KAZN: variants seen among roughly 807,000 people sequenced by gnomAD.
The protein encoded by KAZN is kazrin, periplakin interacting protein.
A neutral mutation model predicts 87.4 loss-of-function variants in KAZN; 40 were observed. The ratio of observed to expected loss-of-function variants is 0.46; its 90% CI spans 0.36 to 0.60. The LOEUF (loss-of-function observed/expected upper bound fraction) is 0.60, where lower values mean the gene tolerates loss of function less well. Among genes scored for constraint, KAZN ranks in the 20% least tolerant of loss-of-function variants. The pLI is 0.00. For missense variants in KAZN, 898 were observed against 1,073.9 expected (o/e 0.84, Z 2.29); for synonymous variants, 466 against 458.3 (o/e 1.02, Z -0.22).
At chr1:15,045,097 C>G (rs1673340980) in intron 4 of KAZN, among the ~76,000 whole-genome samples, 1 of 152,166 alleles carries the variant, frequency 6.6e-6, no homozygotes, top group Non-Finnish European at 1.5e-5. Context: ...CCTTGGGCTG[C>G]CCACTCAACT....
At chr1:14,251,306 A>C (rs2100613349) in intron 2 of KAZN, among the ~76,000 whole-genome samples, 1 of 152,290 alleles carries the variant, frequency 6.6e-6, no homozygotes, top group Non-Finnish European at 1.5e-5. Flanking sequence ...GATAGAAGTC[A>C]CTCAGTCTTA....
chr1:15,092,266 G>A (rs1428365307), intron 8 of KAZN, among the ~76,000 whole-genome samples: 3 of 151,532 alleles, frequency 2.0e-5, no homozygotes, highest in Non-Finnish European at 4.4e-5. Flanking sequence ...GTAGAGACGG[G>A]GTTTCTCCAT....
In KAZN at chr1:14,410,100, G is replaced by A. The variant is rs564260954; in HGVS notation, c.250-188883G>A. On this transcript the variant is annotated intron_variant, in intron 2 of 16. Coordinates refer to the KAZN transcript ENST00000636203. The stretch of plus-strand genomic sequence containing the variant: ...ACAGAACAGAATATTAATTGGAAAA[G>A]TCCAATTTATTTATTTATTTTGAGA... Among the ~76,000 whole-genome samples, 110 of 152,268 alleles carry A rather than the reference G, an allele frequency of 7.2e-4. 1 individual carries two copies. The highest frequency in any genetic ancestry group is 7.5e-4 in the Non-Finnish European group (51 of 68,028).
At chr1:14,501,212 C>G (rs1670233158) in intron 2 of KAZN, among the ~76,000 whole-genome samples, 1 of 151,846 alleles carries the variant, frequency 6.6e-6, no homozygotes, top group Non-Finnish European at 1.5e-5. Context: ...AGAAATAAGA[C>G]AAAGATATTC....
chr1:14,881,836 A>C (rs574455171), intron 1 of KAZN, among the ~76,000 whole-genome samples: 1 of 152,146 alleles, frequency 6.6e-6, no homozygotes, highest in African/African-American at 2.4e-5. Context: ...TGGTTGTTTA[A>C]ATGAGATTTG....
At chr1:14,241,576 C>T (rs1648938230) in intron 2 of KAZN, among the ~76,000 whole-genome samples, 1 of 152,182 alleles carries the variant, frequency 6.6e-6, no homozygotes, top group African/African-American at 2.4e-5. Context: ...ATTTCTGGCA[C>T]ACCTACTGTG....
Position 14,599,175 on chromosome 1 carries a change from G to C in KAZN, c.178G>C (p.Gly60Arg). The C allele has an allele frequency of 7.2e-7, 1 of 1,380,204 alleles. No individual in the cohort carries two copies. The highest frequency in any genetic ancestry group is 9.4e-7 in the Non-Finnish European group (1 of 1,069,450). 85.5% of individuals were successfully genotyped at this position (1,380,204 alleles called of 1,614,324 possible). A position where few individuals can be genotyped will look rare whatever the true frequency, so the allele number is the denominator to read the frequency against. ...AGCCGCGGCCAGCGCCTCGGCGGCGGGGGACTCGGCGGCGACGAACATGGA... is the reference window on the plus strand; with the variant it reads ...AGCCGCGGCCAGCGCCTCGGCGGCGCGGGACTCGGCGGCGACGAACATGGA... ...PGAAASASAA[G>R]DSAATNMENP... The change falls in exon 1 of 15, where the codon GGG becomes CGG. Residue 60 changes from glycine to arginine, a missense_variant. Transcript: ENST00000376030. This position sits in a 1 kb window ranked among gnomAD's most constrained non-coding sequence, Gnocchi z 4.4.
intron 2 of KAZN, among the ~76,000 whole-genome samples, chr1:14,310,063 G>C (rs1198610359): frequency 6.6e-6 from 1 of 152,150 alleles, no homozygotes; most frequent in African/African-American, 2.4e-5. Flanking sequence ...GATGGGGTTG[G>C]AGCAACGGGC....
At chr1:14,495,360 C>A (rs998819731) in intron 2 of KAZN, among the ~76,000 whole-genome samples, 2 of 152,170 alleles carry the variant, frequency 1.3e-5, no homozygotes, top group Admixed American at 1.3e-4. Context: ...TAGATGAAGG[C>A]CACAGCATGG....
intron 4 of KAZN, among the ~76,000 whole-genome samples, chr1:15,050,560 G>T (rs1322895152): frequency 6.6e-6 from 1 of 152,176 alleles, no homozygotes; most frequent in Non-Finnish European, 1.5e-5. Flanking sequence ...ATTTTTAATG[G>T]CCACGCTCTG....
intron 1 of KAZN, among the ~76,000 whole-genome samples, chr1:14,945,378 C>T (rs1017756802): frequency 3.9e-5 from 6 of 152,204 alleles, no homozygotes; most frequent in Non-Finnish European, 7.3e-5. Flanking sequence ...AGGGCCCTCC[C>T]CTCTGCCCCC....
chr1:14,253,584 T>C (rs1267117363), intron 2 of KAZN, among the ~76,000 whole-genome samples: 2 of 152,156 alleles, frequency 1.3e-5, no homozygotes, highest in Non-Finnish European at 2.9e-5. Context: ...CCTTGTCCTT[T>C]CAGGTAAAAT....
In KAZN at chr1:14,242,074, G is replaced by A. The variant is rs114136962; in HGVS notation, c.249+61482G>A. On this transcript the variant is annotated intron_variant, in intron 2 of 16. Coordinates refer to the KAZN transcript ENST00000636203. Reference sequence around the variant, plus strand: ...CTCCTTGAAGTATCATCTTAAAGATGCTCTCCAGAAAGTGTCCTGAGCCTA... The same window carrying A: ...CTCCTTGAAGTATCATCTTAAAGATACTCTCCAGAAAGTGTCCTGAGCCTA... 5.8e-3 allele frequency among the ~76,000 whole-genome samples: 886 copies of A among 152,286 alleles called. 12 individuals are homozygous for A. The highest frequency in any genetic ancestry group is 0.02 in the African/African-American group (850 of 41,568).
intron 2 of KAZN, among the ~76,000 whole-genome samples, chr1:14,538,307 G>A (rs1352046064): frequency 1.3e-5 from 2 of 152,194 alleles, no homozygotes; most frequent in African/African-American, 4.8e-5. Flanking sequence ...AAATGGGTAT[G>A]ATAAAACATC....
At chr1:14,788,416 T>G (rs781386036) in intron 1 of KAZN, among the ~76,000 whole-genome samples, 1 of 152,142 alleles carries the variant, frequency 6.6e-6, no homozygotes, top group Non-Finnish European at 1.5e-5. Context: ...CCACAAATAC[T>G]AAGAGGTGCT....
At position 14,695,353 on chromosome 1, in the gene KAZN, G is replaced by A. The variant is rs558530214; in HGVS notation, c.226+96130G>A. Among the ~76,000 whole-genome samples, 45 of 152,036 alleles carry A rather than the reference G, an allele frequency of 3.0e-4. 1 individual carries two copies. Among genetic ancestry groups the A allele is most frequent in the African/African-American group, 1.1e-3 (44 of 41,480 alleles). ...TTGTCTCAGGAGTTAGCAGTTGGTTGAACCCAACACTCTTGGACTGTCAGC... is the reference window on the plus strand; with the variant it reads ...TTGTCTCAGGAGTTAGCAGTTGGTTAAACCCAACACTCTTGGACTGTCAGC... On this transcript the variant is annotated intron_variant, in intron 1 of 14. Coordinates refer to ENST00000376030, the MANE Select transcript of KAZN (RefSeq NM_201628.3).
chr1:13,963,456 G>A (rs991252421), intron 1 of KAZN, among the ~76,000 whole-genome samples: 4 of 152,186 alleles, frequency 2.6e-5, no homozygotes, highest in Non-Finnish European at 5.9e-5. Context: ...CACATGGATA[G>A]TGATTCCAAA....
At chr1:14,055,649 C>G (rs1438285343) in intron 1 of KAZN, among the ~76,000 whole-genome samples, 1 of 152,124 alleles carries the variant, frequency 6.6e-6, no homozygotes, top group Non-Finnish European at 1.5e-5. Context: ...CTAACAGTTC[C>G]CTGTAAACCT....
intron 2 of KAZN, among the ~76,000 whole-genome samples, chr1:14,369,285 C>T (rs749631480): frequency 3.3e-5 from 5 of 152,148 alleles, no homozygotes; most frequent in Admixed American, 6.5e-5. Flanking sequence ...ATGTATCGTT[C>T]GCTCTTCAGT....
Sources: allele counts gnomAD v4.1 joint callset (sites outside exome capture counted in the v4.1 genomes callset), GRCh38; gene constraint gnomAD v4.1.1; non-coding constraint Gnocchi (gnomAD v3.1); transcripts MANE v1.5; gene names NCBI Gene and HGNC (gene_info 2026-07-23, HGNC 2026-07-21).